Variants in TRIP12 observed in about 807,000 individuals in gnomAD.
The protein encoded by TRIP12 is thyroid hormone receptor interactor 12, also known as E3 ubiquitin-protein ligase TRIP12.
A neutral mutation model predicts 244.2 loss-of-function variants in TRIP12; 25 were observed. That is an observed-to-expected ratio of 0.10 (90% confidence interval 0.07 to 0.14). The LOEUF is 0.14. Among genes scored for constraint, TRIP12 ranks in the 10% least tolerant of loss-of-function variants. TRIP12 has a pLI of 1.00. For synonymous variants in TRIP12, 905 were observed against 873.1 expected, an observed-to-expected ratio of 1.04 and a Z score of -0.64; for missense variants, 1,677 against 2,486.4, an observed-to-expected ratio of 0.67 and a Z score of 6.92.
chr2:229,895,274 G>A (rs1380054043), intron 1 of TRIP12, among the ~76,000 whole-genome samples: 1 of 152,102 alleles, frequency 6.6e-6, no homozygotes, highest in African/African-American at 2.4e-5. Flanking sequence ...CAGCAAAGTG[G>A]AAGACAGAAG....
At chr2:229,898,157 T>G (rs1415031752) in intron 1 of TRIP12, among the ~76,000 whole-genome samples, 2 of 152,216 alleles carry the variant, frequency 1.3e-5, no homozygotes, top group African/African-American at 4.8e-5. Flanking sequence ...CCTAATTCCA[T>G]TCTTAAGGAT....
In TRIP12 at chr2:229,804,226, A is replaced by G. The variant is rs764780814; in HGVS notation, c.2652T>C (p.Ser884=). 2 of 1,605,414 alleles carry G rather than the reference A, an allele frequency of 1.2e-6. No individual in the cohort carries two copies. Among genetic ancestry groups the G allele is most frequent in the Non-Finnish European group, 1.7e-6 (2 of 1,177,508 alleles). The change falls in exon 19 of 42, where the codon AGT becomes AGC. Residue 884 remains serine (S), a splice_region_variant and synonymous_variant. Coordinates refer to ENST00000675903, the MANE Select transcript of TRIP12 (RefSeq NM_001348323.3). ...KPNPLANSNT[S]GYSESKKDDA... is the part of the protein sequence containing the mutation. ...CATCCTTCTTTGACTCTGAATATCC[A>G]CCTATTACATTAAAAAAAAATATAT...
intron 4 of TRIP12, among the ~76,000 whole-genome samples, chr2:229,855,947 A>C (rs987968076): frequency 1.3e-5 from 2 of 151,982 alleles, no homozygotes; most frequent in Non-Finnish European, 2.9e-5. Flanking sequence ...CTGAGGCACG[A>C]GAATTGCCCG....
At chr2:229,795,926 G>A (rs754039065) in intron 25 of TRIP12, among the ~76,000 whole-genome samples, 33 of 152,330 alleles carry the variant, frequency 2.2e-4, no homozygotes, top group Non-Finnish European at 4.6e-4. Context: ...GACTGCAAGC[G>A]CATGGTGAAA....
intron 2 of TRIP12, among the ~76,000 whole-genome samples, chr2:229,865,033 T>C (rs1241987936): frequency 6.6e-6 from 1 of 151,916 alleles, no homozygotes; most frequent in Non-Finnish European, 1.5e-5. Context: ...TTGGGCCAGG[T>C]GTGGTGGCTC....
chr2:229,851,307 G>C (rs751242892), intron 4 of TRIP12, among the ~76,000 whole-genome samples: 1 of 152,112 alleles, frequency 6.6e-6, no homozygotes, highest in Non-Finnish European at 1.5e-5. Flanking sequence ...GTTTGTGAAT[G>C]CACCAATCGA....
intron 18 of TRIP12, among the ~76,000 whole-genome samples, chr2:229,805,274 A>G (rs1382066553): frequency 1.3e-5 from 2 of 149,714 alleles, no homozygotes; most frequent in Non-Finnish European, 3.0e-5. Flanking sequence ...ACTGTTCTCT[A>G]AACTAGGGCT....
At chr2:229,887,990 T>C (rs966026180) in intron 1 of TRIP12, among the ~76,000 whole-genome samples, 1 of 152,188 alleles carries the variant, frequency 6.6e-6, no homozygotes, top group Admixed American at 6.5e-5. Flanking sequence ...TAAAATTCTT[T>C]ATTAAATTGC....
upstream of TRIP12, among the ~76,000 whole-genome samples, chr2:229,922,986 C>A (rs1382480679): frequency 6.6e-6 from 1 of 152,192 alleles, no homozygotes; most frequent in Non-Finnish European, 1.5e-5. Context: ...CCAAGTGTCC[C>A]AAGGAGGAGC....
intron 13 of TRIP12, 86 bp from the exon 14 acceptor site, chr2:229,811,290 C>T (rs1367151353): frequency 4.4e-6 from 6 of 1,360,552 alleles, no homozygotes; most frequent in Non-Finnish European, 5.1e-6. Flanking sequence ...CCTCCTAACC[C>T]CAGATTCTTC....
intron 31 of TRIP12, 26 bp downstream of exon 31, chr2:229,789,585 C>T: frequency 1.2e-6 from 2 of 1,603,022 alleles, no homozygotes; most frequent in Non-Finnish European, 1.7e-6. Context: ...ACCATGAAAA[C>T]TTCATAAATA....
intron 9 of TRIP12, among the ~76,000 whole-genome samples, chr2:229,817,642 C>G (rs1418347128): frequency 6.6e-6 from 1 of 152,106 alleles, no homozygotes; most frequent in Non-Finnish European, 1.5e-5. Flanking sequence ...TGCAGTGGCG[C>G]GATCTTGGCT....
intron 4 of TRIP12, among the ~76,000 whole-genome samples, chr2:229,844,664 T>A (rs548003445): frequency 6.6e-6 from 1 of 152,284 alleles, no homozygotes; most frequent in Admixed American, 6.5e-5. Context: ...CAAACATCAA[T>A]GTCAATGTAT....
chr2:229,817,139 G>A (rs1449970232), intron 9 of TRIP12, among the ~76,000 whole-genome samples: 3 of 152,072 alleles, frequency 2.0e-5, no homozygotes, highest in African/African-American at 7.2e-5. Flanking sequence ...TCTTTACTCA[G>A]CTCTCTCACC....
At chr2:229,854,813 C>G (rs2059313049) in intron 4 of TRIP12, among the ~76,000 whole-genome samples, 1 of 152,204 alleles carries the variant, frequency 6.6e-6, no homozygotes, top group South Asian at 2.1e-4. Context: ...CTTGCCCTAT[C>G]TGTTCACCCC....
chr2:229,791,744 A>C, intron 29 of TRIP12, 122 bp downstream of exon 29: 1 of 1,014,422 alleles, frequency 9.9e-7, no homozygotes, highest in Non-Finnish European at 1.5e-6. Context: ...TTCAGAACTA[A>C]AATGTGTGAT....
intron 7 of TRIP12, 99 bp downstream of exon 7, chr2:229,830,657 T>C: frequency 7.9e-7 from 1 of 1,270,352 alleles, no homozygotes; most frequent in Admixed American, 2.1e-5. Context: ...ACTGCTAGAT[T>C]ATGGTCAAAT....
chr2:229,787,111 T>C (rs2040290709), intron 33 of TRIP12, among the ~76,000 whole-genome samples: 1 of 152,222 alleles, frequency 6.6e-6, no homozygotes, highest in Non-Finnish European at 1.5e-5. Flanking sequence ...GAGTGACTTG[T>C]TAAGGGAATG....
chr2:229,779,424 G>C (rs911060070), intron 34 of TRIP12, among the ~76,000 whole-genome samples: 1 of 152,010 alleles, frequency 6.6e-6, no homozygotes, highest in Non-Finnish European at 1.5e-5. Flanking sequence ...TTTTTTCTTG[G>C]GGCTTATTTT....
Sources: gnomAD v4.1 joint callset for allele counts (sites outside exome capture counted in the v4.1 genomes callset) on GRCh38, gnomAD v4.1.1 for gene constraint, MANE v1.5 for transcripts, NCBI Gene and HGNC (gene_info 2026-07-23, HGNC 2026-07-21) for gene names.